The following FRMPD4 variants were observed in gnomAD, a reference collection of about 807,000 sequenced individuals.
FRMPD4 encodes the protein FERM and PDZ domain-containing protein 4.
In FRMPD4, 22 loss-of-function variants were observed where a neutral mutation model predicts 94.1. The observed-to-expected ratio is 0.23, with a 90% CI of 0.17 to 0.33. FRMPD4 has a LOEUF of 0.33. Among genes scored for constraint, FRMPD4 ranks in the 10% least tolerant of loss-of-function variants. FRMPD4 has a pLI of 1.00. For synonymous variants in FRMPD4, 631 were observed against 548.6 expected (o/e 1.15, Z -2.10); for missense variants, 1,111 against 1,339.9 (o/e 0.83, Z 2.67).
At chrX:12,195,189 C>T (rs1193721996) in intron 1 of FRMPD4, among the ~76,000 whole-genome samples, 1 of 111,778 alleles carries the variant, frequency 8.9e-6, no homozygotes, top group African/African-American at 3.3e-5. Flanking sequence ...CGCCAACCCC[C>T]AACTGTCAAA....
At chrX:12,694,603 T>A in intron 9 of FRMPD4, 149 bp downstream of exon 9, 1 of 451,283 alleles carries the variant, frequency 2.2e-6, no homozygotes. Context: ...GATGCTCTTT[T>A]TATTTTTACG....
chrX:12,552,753 GACTA>G (rs910276519), intron 2 of FRMPD4, among the ~76,000 whole-genome samples: 1 of 112,303 alleles, frequency 8.9e-6, no homozygotes. Context: ...ATTCAGAGAA[GACTA>G]ACTTTTATCC....
At chrX:12,702,964 A>G (rs1360532237) in intron 10 of FRMPD4, among the ~76,000 whole-genome samples, 2 of 112,548 alleles carry the variant, frequency 1.8e-5, no homozygotes, top group African/African-American at 3.2e-5. Flanking sequence ...GTTCTTGGGG[A>G]CAGGTGAAAC....
At chrX:12,293,506 C>T (rs905741962) in intron 1 of FRMPD4, among the ~76,000 whole-genome samples, 10 of 112,207 alleles carry the variant, frequency 8.9e-5, no homozygotes, top group Admixed American at 5.7e-4. Context: ...TTGTAATGGG[C>T]GGCCACTGTT....
intron 1 of FRMPD4, among the ~76,000 whole-genome samples, chrX:12,301,787 G>A (rs2054863726): frequency 8.9e-6 from 1 of 112,180 alleles, no homozygotes; most frequent in South Asian, 3.7e-4. Context: ...TCCCTAGTAA[G>A]TGCCAGATAC....
At chrX:11,851,791 T>A (rs751639458) in intron 1 of FRMPD4, among the ~76,000 whole-genome samples, 1 of 111,447 alleles carries the variant, frequency 9.0e-6, no homozygotes, top group South Asian at 3.8e-4. Flanking sequence ...ATTTTTAATT[T>A]TTCAACACTT....
intron 1 of FRMPD4, among the ~76,000 whole-genome samples, chrX:12,446,913 G>T (rs2148130298): frequency 9.0e-6 from 1 of 111,239 alleles, no homozygotes; most frequent in Non-Finnish European, 1.9e-5. Context: ...GCTGGCGTTT[G>T]GTGGTTGGGG....
intron 3 of FRMPD4, among the ~76,000 whole-genome samples, chrX:12,106,835 G>T (rs1446910727): frequency 9.0e-6 from 1 of 111,096 alleles, no homozygotes; most frequent in African/African-American, 3.3e-5. Context: ...CTGCAAGGTG[G>T]CAGCGAGGCT....
intron 3 of FRMPD4, among the ~76,000 whole-genome samples, chrX:12,127,362 T>A (rs1458241437): frequency 9.0e-6 from 1 of 111,479 alleles, no homozygotes; most frequent in Non-Finnish European, 1.9e-5. Context: ...AGCAAACACA[T>A]CCTTCTTCAC....
At chrX:11,877,695 T>C (rs1360729248) in intron 2 of FRMPD4, among the ~76,000 whole-genome samples, 1 of 112,171 alleles carries the variant, frequency 8.9e-6, no homozygotes, top group Non-Finnish European at 1.9e-5. Context: ...CACTCCTCTT[T>C]TGCATCCTCA....
At chrX:12,419,528 C>T (rs994397595) in intron 1 of FRMPD4, among the ~76,000 whole-genome samples, 2 of 111,748 alleles carry the variant, frequency 1.8e-5, no homozygotes, top group Admixed American at 9.5e-5. Context: ...TATTAGATAT[C>T]GGTAGATGTA....
At chrX:12,093,853 T>C (rs190997092) in intron 3 of FRMPD4, among the ~76,000 whole-genome samples, 4 of 109,529 alleles carry the variant, frequency 3.7e-5, no homozygotes, top group East Asian at 5.7e-4. Context: ...TGTCTAGTTC[T>C]CTTCTTTCTA....
intron 1 of FRMPD4, among the ~76,000 whole-genome samples, chrX:12,482,105 G>A (rs1258269145): frequency 9.1e-6 from 1 of 110,041 alleles, no homozygotes; most frequent in Non-Finnish European, 1.9e-5. Context: ...GAAGAAGAGG[G>A]GTTGGTCTTG....
intron 9 of FRMPD4, among the ~76,000 whole-genome samples, chrX:12,698,517 G>A (rs2060156060): frequency 9.1e-6 from 1 of 110,477 alleles, no homozygotes; most frequent in African/African-American, 3.3e-5. Context: ...GAGCCTTTTG[G>A]GACCTCTATT....
chrX:12,098,220 G>T (rs1257967293), intron 3 of FRMPD4, among the ~76,000 whole-genome samples: 1 of 109,432 alleles, frequency 9.1e-6, no homozygotes, highest in Non-Finnish European at 1.9e-5. Flanking sequence ...TTGAAAGATT[G>T]TTATTGCAAA....
chrX:12,556,747 A>T (rs1479491921), intron 2 of FRMPD4, among the ~76,000 whole-genome samples: 1 of 112,188 alleles, frequency 8.9e-6, no homozygotes, highest in Non-Finnish European at 1.9e-5. Context: ...GACCCAAAGG[A>T]TGCATGTGTA....
intron 1 of FRMPD4, among the ~76,000 whole-genome samples, chrX:12,284,377 G>A (rs2054569215): frequency 9.0e-6 from 1 of 111,725 alleles, no homozygotes; most frequent in African/African-American, 3.3e-5. Context: ...CAACTTCCCT[G>A]AGTAGTGACT....
At chrX:12,452,786 T>C (rs187372446) in intron 1 of FRMPD4, among the ~76,000 whole-genome samples, 1 of 111,951 alleles carries the variant, frequency 8.9e-6, no homozygotes, top group Non-Finnish European at 1.9e-5. Context: ...AGACTAAAAT[T>C]GCTACTTCTA....
intron 2 of FRMPD4, among the ~76,000 whole-genome samples, chrX:12,590,948 A>G (rs1238410243): frequency 6.2e-5 from 7 of 112,508 alleles, no homozygotes; most frequent in African/African-American, 1.9e-4. Context: ...AAGTTTAAGT[A>G]TTAATCTTTA....
Sources: gnomAD v4.1 joint callset for allele counts (sites outside exome capture counted in the v4.1 genomes callset) on GRCh38, gnomAD v4.1.1 for gene constraint, MANE v1.5 for transcripts, NCBI Gene and HGNC (gene_info 2026-07-23, HGNC 2026-07-21) for gene names.